PDE9A: variants seen among roughly 807,000 people sequenced by gnomAD.
PDE9A encodes high affinity cGMP-specific 3',5'-cyclic phosphodiesterase 9A.
PDE9A carries 60 observed loss-of-function variants against 87.4 expected under a neutral mutation model. That is an observed-to-expected ratio of 0.69 (90% CI 0.56 to 0.85). The LOEUF (loss-of-function observed/expected upper bound fraction) is 0.85. PDE9A is among the 40% of genes least tolerant of loss of function. The pLI is 0.00. For synonymous variants in PDE9A, 272 were observed against 279.4 expected, an observed-to-expected ratio of 0.97 and a Z score of 0.27; for missense variants, 665 against 779.0, an observed-to-expected ratio of 0.85 and a Z score of 1.74.
chr21:42,669,157 G>C (rs1393130378), intron 1 of PDE9A, among the ~76,000 whole-genome samples: 1 of 152,146 alleles, frequency 6.6e-6, no homozygotes, highest in Non-Finnish European at 1.5e-5. Flanking sequence ...CAACAGAAAC[G>C]GATTATCTCG....
chr21:42,656,486 G>A (rs1477833994), intron 1 of PDE9A, among the ~76,000 whole-genome samples: 1 of 152,256 alleles, frequency 6.6e-6, no homozygotes, highest in Non-Finnish European at 1.5e-5. Flanking sequence ...GTCTGAGGGA[G>A]GCCCCGGGCA....
intron 14 of PDE9A, among the ~76,000 whole-genome samples, 174 bp from the exon 15 acceptor site, chr21:42,765,207 T>C (rs1448592623): frequency 6.6e-6 from 1 of 151,870 alleles, no homozygotes; most frequent in Non-Finnish European, 1.5e-5. Flanking sequence ...AATGGATGGG[T>C]TTTTGGGTGG....
intron 13 of PDE9A, 139 bp from the exon 14 acceptor site, chr21:42,761,944 G>T: frequency 2.5e-6 from 2 of 793,424 alleles, no homozygotes; most frequent in Non-Finnish European, 4.0e-6. Flanking sequence ...GCCAGGCCAG[G>T]GCACAGGCAG....
intron 4 of PDE9A, among the ~76,000 whole-genome samples, chr21:42,714,355 T>A (rs2049635086): frequency 6.6e-6 from 1 of 152,196 alleles, no homozygotes; most frequent in South Asian, 2.1e-4. Flanking sequence ...ACGTATCACA[T>A]GCAGGTTTGT....
chr21:42,684,726 A>G (rs917380009), intron 1 of PDE9A, among the ~76,000 whole-genome samples: 4 of 152,204 alleles, frequency 2.6e-5, no homozygotes, highest in Admixed American at 2.6e-4. Context: ...GGCCAGGACC[A>G]AGCTGCATAG....
At chr21:42,773,036 G>C (rs1191579783) in intron 19 of PDE9A, among the ~76,000 whole-genome samples, 1 of 150,602 alleles carries the variant, frequency 6.6e-6, no homozygotes, top group Non-Finnish European at 1.5e-5. Flanking sequence ...CAAGGTGGGC[G>C]GATCACTTGA....
intron 1 of PDE9A, among the ~76,000 whole-genome samples, chr21:42,666,314 A>G (rs1214125206): frequency 1.3e-5 from 2 of 151,906 alleles, no homozygotes; most frequent in African/African-American, 4.8e-5. Context: ...GGCTGGCACC[A>G]AAGCACTTCT....
At chr21:42,765,003 ATGGATGGATGGATGGATGGG>A in intron 14 of PDE9A, among the ~76,000 whole-genome samples, 1 of 138,958 alleles carries the variant, frequency 7.2e-6, no homozygotes, top group East Asian at 2.1e-4. Flanking sequence ...GGATGGATGG[ATGGATGGATGGATGGATGGG>A]TGGATGGGTG....
chr21:42,684,840 C>T (rs763347945), intron 1 of PDE9A, among the ~76,000 whole-genome samples: 1 of 151,804 alleles, frequency 6.6e-6, no homozygotes, highest in African/African-American at 2.4e-5. Flanking sequence ...GTGGGGATAA[C>T]GGGCAAGGAG....
At chr21:42,680,470 C>T (rs1260105153) in intron 1 of PDE9A, among the ~76,000 whole-genome samples, 1 of 152,210 alleles carries the variant, frequency 6.6e-6, no homozygotes, top group Non-Finnish European at 1.5e-5. Context: ...TCTAGAGGGA[C>T]TTTTGTCAGA....
Position 42,773,878 on chromosome 21 carries a change from A to G in PDE9A, c.1768+1358A>G, listed in dbSNP as rs1017012080. Among the ~76,000 whole-genome samples, 80 of 151,348 alleles carry G rather than the reference A, an allele frequency of 5.3e-4. 2 individuals carry two copies. The highest frequency in any genetic ancestry group is 7.9e-4 in the Admixed American group (12 of 15,176). ...CCAGCACTTTGGGAGGCCAAGGTGG[A>G]CGGATCACAAGGTCAGGAGATCGAG... On this transcript the variant is annotated intron_variant, in intron 19 of 19. Coordinates refer to ENST00000291539, the MANE Select transcript of PDE9A (RefSeq NM_002606.3).
At chr21:42,700,413 A>G (rs2048287847) in intron 4 of PDE9A, among the ~76,000 whole-genome samples, 1 of 152,192 alleles carries the variant, frequency 6.6e-6, no homozygotes, top group African/African-American at 2.4e-5. Flanking sequence ...ACTTTTTTAT[A>G]CAGTTAAACA....
At chr21:42,724,628 C>G (rs79527740) in intron 4 of PDE9A, 3 of 980,138 alleles carry the variant, frequency 3.1e-6, no homozygotes, top group Admixed American at 1.2e-4. Flanking sequence ...ACATATATTC[C>G]ATCGGTGTAA....
chr21:42,768,648 C>T lies in PDE9A; in HGVS notation c.1461+356C>T, dbSNP rs2056624111. 2 of 985,346 alleles carry T rather than the reference C, an allele frequency of 2.0e-6. 1 individual carries two copies. Among genetic ancestry groups the T allele is most frequent in the Admixed American group, 1.2e-4 (2 of 16,274 alleles). 61.0% of individuals were successfully genotyped at this position (985,346 alleles called of 1,614,324 possible). On this transcript the variant is annotated intron_variant, in intron 16 of 19. Coordinates refer to ENST00000291539, the MANE Select transcript of PDE9A (RefSeq NM_002606.3). The stretch of plus-strand genomic sequence containing the variant: ...GGCCGAGACCCAGCAGGTCAGCTCA[C>T]ACAGATGGCCACGGGGAAGGTCGGG...
At chr21:42,773,717 A>T (rs376927007) in intron 19 of PDE9A, among the ~76,000 whole-genome samples, 2 of 149,360 alleles carry the variant, frequency 1.3e-5, no homozygotes, top group East Asian at 4.1e-4. Flanking sequence ...AGGAGAATGG[A>T]GTGAACCCAG....
chr21:42,747,400 G>A (rs1474299908), intron 8 of PDE9A, among the ~76,000 whole-genome samples: 2 of 152,196 alleles, frequency 1.3e-5, no homozygotes, highest in African/African-American at 4.8e-5. Context: ...GCCCCAGACA[G>A]GGTGGAGCTA....
At position 42,759,966 on chromosome 21, in the gene PDE9A, G is replaced by T. The variant is rs907192273; in HGVS notation, c.898-362G>T. ...AAAAGCCTATTAAAGGTTTCATGGT[G>T]ACTGGGGACCCAGAGCTCCCTCTTG... On this transcript the variant is annotated intron_variant, in intron 11 of 19. Coordinates refer to ENST00000291539, the MANE Select transcript of PDE9A (RefSeq NM_002606.3). The surrounding 1 kb of genome is among the most constrained non-coding windows in gnomAD (Gnocchi z 7.2). Among the ~76,000 whole-genome samples, 1 of 151,990 alleles carries T rather than the reference G, an allele frequency of 6.6e-6. No individual in the cohort carries two copies.
At chr21:42,743,532 G>C (rs927201777) in intron 7 of PDE9A, among the ~76,000 whole-genome samples, 3 of 152,200 alleles carry the variant, frequency 2.0e-5, no homozygotes, top group Non-Finnish European at 1.5e-5. Context: ...AAAACTGCCC[G>C]GATGGATGCG....
chr21:42,751,248 ACGCC>A, intron 9 of PDE9A, 51 bp downstream of exon 9: 7 of 1,324,556 alleles, frequency 5.3e-6, no homozygotes, highest in Non-Finnish European at 7.6e-6. Flanking sequence ...CCCCAGCCCC[ACGCC>A]CAGCCCTGTG....
Sources: allele counts gnomAD v4.1 joint callset (sites outside exome capture counted in the v4.1 genomes callset), GRCh38; gene constraint gnomAD v4.1.1; non-coding constraint Gnocchi (gnomAD v3.1); transcripts MANE v1.5; gene names NCBI Gene and HGNC (gene_info 2026-07-23, HGNC 2026-07-21).